TRPM3: variants seen among roughly 807,000 people sequenced by gnomAD.
The protein encoded by TRPM3 is long transient receptor potential channel 3.
A neutral mutation model predicts 181.2 loss-of-function variants in TRPM3; 77 were observed. That is an observed-to-expected ratio of 0.42 (90% CI 0.35 to 0.51). The LOEUF (loss-of-function observed/expected upper bound fraction) is 0.51. Ranked by LOEUF, TRPM3 falls within the 20% of genes least tolerant of loss-of-function variation. The pLI, the probability that TRPM3 is intolerant of heterozygous loss-of-function variation, is 0.01. For missense variants in TRPM3, 1,759 were observed against 2,196.7 expected, an observed-to-expected ratio of 0.80 and a Z score of 3.98; for synonymous variants, 745 against 796.4, an observed-to-expected ratio of 0.94 and a Z score of 1.09.
At chr9:70,761,576 T>G in intron 8 of TRPM3, 25 bp downstream of exon 8, 2 of 1,614,004 alleles carry the variant, frequency 1.2e-6, no homozygotes. Context: ...TGGAGACAGC[T>G]GGCCACCCAT....
chr9:70,791,969 C>T lies in TRPM3; in HGVS notation c.974-7690G>A, dbSNP rs143853406. On this transcript the variant is annotated intron_variant, in intron 6 of 25. Coordinates refer to ENST00000677713, the MANE Select transcript of TRPM3 (RefSeq NM_001366145.2). ...TTGCTTTGCTTTTCTATCTAGTAATCGGAGGACAAAGGACAGAAGCTGGGC... is the reference window on the plus strand; with the variant it reads ...TTGCTTTGCTTTTCTATCTAGTAATTGGAGGACAAAGGACAGAAGCTGGGC... Among the ~76,000 whole-genome samples, 722 of 152,116 alleles carry T rather than the reference C, an allele frequency of 4.7e-3. 6 individuals are homozygous for T. The highest frequency in any genetic ancestry group is 8.8e-3 in the African/African-American group (365 of 41,486).
At chr9:70,787,763 C>CTTTTTTTTTTTTTTTTTTTTTTTCT in intron 6 of TRPM3, among the ~76,000 whole-genome samples, 3 of 68,556 alleles carry the variant, frequency 4.4e-5, no homozygotes, top group Non-Finnish European at 5.2e-5. Flanking sequence ...TTTTTGGATT[C>CTTTTTTTTTTTTTTTTTTTTTTTCT]TTTTTTTTTT....
intron 1 of TRPM3, among the ~76,000 whole-genome samples, chr9:71,057,067 T>C (rs538815976): frequency 2.0e-5 from 3 of 152,052 alleles, no homozygotes; most frequent in South Asian, 2.1e-4. Flanking sequence ...TGGTCTGTAG[T>C]GTTACTTTCA....
At chr9:71,046,650 AT>A in intron 1 of TRPM3, among the ~76,000 whole-genome samples, 2 of 152,232 alleles carry the variant, frequency 1.3e-5, no homozygotes, top group South Asian at 2.1e-4. Flanking sequence ...TTATTGAGAT[AT>A]TTTTTTCCTG....
At chr9:71,356,958 A>C (rs1001395455) in intron 1 of TRPM3, among the ~76,000 whole-genome samples, 1 of 152,150 alleles carries the variant, frequency 6.6e-6, no homozygotes, top group Non-Finnish European at 1.5e-5. Flanking sequence ...CATTTTGACA[A>C]AGAGAAATTT....
intron 1 of TRPM3, among the ~76,000 whole-genome samples, chr9:70,926,858 G>A (rs1257207196): frequency 6.6e-6 from 1 of 152,174 alleles, no homozygotes; most frequent in Non-Finnish European, 1.5e-5. Flanking sequence ...ATTTAAGATT[G>A]TAAATATCCA....
intron 25 of TRPM3, among the ~76,000 whole-genome samples, chr9:70,543,040 G>A (rs939454956): frequency 6.6e-6 from 1 of 152,166 alleles, no homozygotes; most frequent in African/African-American, 2.4e-5. Flanking sequence ...CCAAAGATCA[G>A]CTTTGGAAAA....
At chr9:71,269,759 T>C (rs1324137789) in intron 1 of TRPM3, among the ~76,000 whole-genome samples, 2 of 152,208 alleles carry the variant, frequency 1.3e-5, no homozygotes, top group Non-Finnish European at 1.5e-5. Context: ...TTGCCTGTAG[T>C]TCCCTGTGGA....
chr9:71,013,188 A>G (rs760867586), intron 1 of TRPM3, among the ~76,000 whole-genome samples: 4 of 151,990 alleles, frequency 2.6e-5, no homozygotes, highest in Middle Eastern at 6.8e-3. Flanking sequence ...CATTAAATGC[A>G]TTTTTTTCTT....
At chr9:70,538,673 G>A (rs142249201) in intron 25 of TRPM3, among the ~76,000 whole-genome samples, 2,668 of 151,482 alleles carry the variant, frequency 0.018, 32 homozygotes, top group Non-Finnish European at 0.028. Flanking sequence ...AGTGCTTCTC[G>A]TGCCTCAGCC....
intron 1 of TRPM3, among the ~76,000 whole-genome samples, chr9:71,398,219 G>A (rs556613160): frequency 5.5e-4 from 84 of 152,164 alleles, no homozygotes; most frequent in African/African-American, 2.0e-3. Context: ...TATTTTTTAG[G>A]CCAGGGCAAT....
At chr9:70,588,164 C>T (rs1238896593) in intron 22 of TRPM3, among the ~76,000 whole-genome samples, 1 of 152,164 alleles carries the variant, frequency 6.6e-6, no homozygotes, top group African/African-American at 2.4e-5. Flanking sequence ...TAGTTTTAAG[C>T]ACATTTGGAA....
chr9:70,632,285 T>C (rs951239141), intron 12 of TRPM3, among the ~76,000 whole-genome samples: 2 of 152,184 alleles, frequency 1.3e-5, no homozygotes, highest in Non-Finnish European at 2.9e-5. Flanking sequence ...GAAAGTCACC[T>C]GAGAAAGTTG....
chr9:71,055,234 C>A (rs766170971), intron 1 of TRPM3, among the ~76,000 whole-genome samples: 3 of 151,862 alleles, frequency 2.0e-5, no homozygotes, highest in African/African-American at 2.4e-5. Context: ...AAGAGGAGAG[C>A]AAATCAAGTC....
chr9:70,622,101 T>A (rs755191223), intron 14 of TRPM3, among the ~76,000 whole-genome samples: 4 of 152,140 alleles, frequency 2.6e-5, no homozygotes, highest in Non-Finnish European at 5.9e-5. Context: ...ATGGGATTAG[T>A]ACCCTTATAA....
chr9:71,306,453 C>G (rs2087330914), intron 1 of TRPM3, among the ~76,000 whole-genome samples: 1 of 152,068 alleles, frequency 6.6e-6, no homozygotes, highest in East Asian at 1.9e-4. Flanking sequence ...TAGACATATT[C>G]AACATAGAAA....
chr9:71,134,581 T>C (rs2074648504), intron 1 of TRPM3, among the ~76,000 whole-genome samples: 1 of 151,628 alleles, frequency 6.6e-6, no homozygotes, highest in African/African-American at 2.4e-5. Context: ...AAAAAATTTC[T>C]TTCTCACAAA....
intron 3 of TRPM3, among the ~76,000 whole-genome samples, chr9:70,852,361 C>T (rs538192409): frequency 2.4e-4 from 37 of 152,120 alleles, no homozygotes; most frequent in African/African-American, 8.4e-4. Context: ...GTTCACTATG[C>T]TAGTATGGGA....
At chr9:71,288,075 T>C (rs1002706883) in intron 1 of TRPM3, among the ~76,000 whole-genome samples, 12 of 152,110 alleles carry the variant, frequency 7.9e-5, no homozygotes, top group Admixed American at 6.6e-5. Flanking sequence ...AAATGTTAAA[T>C]ATTTTTTGTT....
Sources: gnomAD v4.1 joint callset for allele counts (sites outside exome capture counted in the v4.1 genomes callset) on GRCh38, gnomAD v4.1.1 for gene constraint, MANE v1.5 for transcripts, NCBI Gene and HGNC (gene_info 2026-07-23, HGNC 2026-07-21) for gene names.